MYO5B: variants seen among roughly 807,000 people sequenced by gnomAD.
MYO5B encodes myosin VB.
Under a neutral mutation model 229.3 loss-of-function variants are expected in MYO5B, and 143 were observed. That is an observed-to-expected ratio of 0.62 (90% CI 0.54 to 0.72). MYO5B has a LOEUF of 0.72. Ranked by LOEUF, MYO5B falls within the 30% of genes least tolerant of loss-of-function variation. MYO5B has a pLI of 0.00. For missense variants in MYO5B, 2,321 were observed against 2,331.0 expected, an observed-to-expected ratio of 1.00 and a Z score of 0.09; for synonymous variants, 918 against 885.2, an observed-to-expected ratio of 1.04 and a Z score of -0.66.
intron 22 of MYO5B, among the ~76,000 whole-genome samples, chr18:49,893,799 C>G (rs775927042): frequency 6.6e-6 from 1 of 152,224 alleles, no homozygotes; most frequent in African/African-American, 2.4e-5. Context: ...ACTGTAGGCT[C>G]TATAACCTCC....
Position 49,953,430 on chromosome 18 carries a change from C to A in MYO5B, c.1669-87G>T, listed in dbSNP as rs966301433. ...TTTCATCTCATCCAGGTAGCATTTT[C>A]TGAAAAGAGCTGTGAGTAGATAGGA... On this transcript the variant is annotated intron_variant, in intron 13 of 39. Transcript: ENST00000285039. The A allele has an allele frequency of 7.8e-6, 9 of 1,159,288 alleles. No individual in the cohort carries two copies. In the African/African-American group the frequency reaches 9.0e-5, roughly 12 times the overall value. The allele number at this position is 1,159,288 out of a possible 1,614,324, so 71.8% of individuals were successfully genotyped here.
intron 13 of MYO5B, 63 bp downstream of exon 13, chr18:49,954,250 G>A (rs1407466173): frequency 1.2e-6 from 2 of 1,600,518 alleles, no homozygotes; most frequent in Non-Finnish European, 1.7e-6. Context: ...TAGGTCTAGA[G>A]CCCATTGAGT....
At chr18:49,972,382 G>A (rs374688572) in intron 10 of MYO5B, among the ~76,000 whole-genome samples, 2 of 152,120 alleles carry the variant, frequency 1.3e-5, no homozygotes, top group Non-Finnish European at 2.9e-5. Context: ...AAAACCCAGC[G>A]GAAGATCACA....
chr18:49,983,112 G>A (rs2025833755), intron 8 of MYO5B, among the ~76,000 whole-genome samples: 1 of 152,216 alleles, frequency 6.6e-6, no homozygotes, highest in Non-Finnish European at 1.5e-5. Context: ...AGGGATGCCA[G>A]TTATCAACTT....
At chr18:50,165,241 G>A (rs903345135) in intron 1 of MYO5B, among the ~76,000 whole-genome samples, 3 of 151,776 alleles carry the variant, frequency 2.0e-5, no homozygotes, top group African/African-American at 7.3e-5. Context: ...CCAGGACTCT[G>A]GGTGGCTGAG....
chr18:50,047,809 A>T (rs1475029226), intron 2 of MYO5B, among the ~76,000 whole-genome samples: 3 of 151,972 alleles, frequency 2.0e-5, no homozygotes, highest in African/African-American at 2.4e-5. Flanking sequence ...TGAAGCTGGA[A>T]ACCATCATTC....
chr18:49,832,262 G>A (rs515324), intron 39 of MYO5B, among the ~76,000 whole-genome samples: 114,167 of 152,126 alleles, frequency 0.75, 42,933 homozygotes, highest in Admixed American at 0.85. Flanking sequence ...GTGAGGATTT[G>A]AAGAGTTAAC....
intron 16 of MYO5B, among the ~76,000 whole-genome samples, chr18:49,932,009 C>A (rs1377478177): frequency 6.6e-6 from 1 of 152,244 alleles, no homozygotes; most frequent in African/African-American, 2.4e-5. Flanking sequence ...TCAGGAGCAT[C>A]TGGGACCCTT....
intron 4 of MYO5B, among the ~76,000 whole-genome samples, chr18:50,021,520 G>T (rs1267253389): frequency 2.6e-5 from 4 of 152,144 alleles, no homozygotes; most frequent in African/African-American, 9.7e-5. Context: ...GCAAGAGAGA[G>T]AAAAGAGGTC....
In MYO5B at chr18:49,826,932, G is replaced by A. The variant is rs1001987762; in HGVS notation, c.5395-309C>T. On this transcript the variant is annotated intron_variant, in intron 39 of 39. Transcript: ENST00000285039. ...AAACCATATGGAGAGGCACTATAGT[G>A]AAGTGGCCAAGGGCATGGGTTTTTT... 4.0e-5 allele frequency among the ~76,000 whole-genome samples: 6 copies of A among 150,850 alleles called. No homozygotes were observed. In the Admixed American group the frequency reaches 4.0e-4, roughly 10 times the overall value.
intron 2 of MYO5B, among the ~76,000 whole-genome samples, chr18:50,040,640 C>A (rs2029985327): frequency 6.6e-6 from 1 of 152,168 alleles, no homozygotes; most frequent in Non-Finnish European, 1.5e-5. Context: ...TCTAGAAAAA[C>A]TTCCTTGATT....
chr18:50,055,235 A>ACCCCCTCC, intron 2 of MYO5B, 33 bp downstream of exon 2: 3 of 353,290 alleles, frequency 8.5e-6, no homozygotes, highest in Non-Finnish European at 1.7e-5. Flanking sequence ...GCCCCACCTC[A>ACCCCCTCC]CCCCCGCCCC....
intron 7 of MYO5B, among the ~76,000 whole-genome samples, chr18:49,987,546 G>C (rs969958548): frequency 3.3e-5 from 5 of 152,026 alleles, no homozygotes; most frequent in Admixed American, 2.0e-4. Flanking sequence ...CTATTAACTA[G>C]TTCAACAGGC....
At chr18:50,194,086 G>A (rs940130647) in intron 1 of MYO5B, among the ~76,000 whole-genome samples, 2 of 152,200 alleles carry the variant, frequency 1.3e-5, no homozygotes, top group African/African-American at 4.8e-5. Context: ...CAAAGAGGCC[G>A]CGTCAAAACA....
intron 38 of MYO5B, 150 bp downstream of exon 38, chr18:49,836,561 C>T: frequency 1.1e-6 from 1 of 873,256 alleles, no homozygotes; most frequent in South Asian, 1.5e-5. Flanking sequence ...CTAGGAATAT[C>T]CCATCAGCTG....
At chr18:49,935,436 GA>G (rs34307962) in intron 16 of MYO5B, among the ~76,000 whole-genome samples, 80,233 of 151,744 alleles carry the variant, frequency 0.53, 21,575 homozygotes, top group Middle Eastern at 0.72. Flanking sequence ...AGGTTAGAGA[GA>G]ACTTCTAGTA....
intron 25 of MYO5B, 41 bp downstream of exon 25, chr18:49,877,722 C>T (rs1407053480): frequency 1.2e-6 from 2 of 1,612,614 alleles, no homozygotes; most frequent in Non-Finnish European, 1.7e-6. Flanking sequence ...ACACACACTC[C>T]CTCTGGAGGA....
intron 1 of MYO5B, among the ~76,000 whole-genome samples, chr18:50,165,786 A>AAGG (rs2032841009): frequency 6.7e-6 from 1 of 150,082 alleles, no homozygotes; most frequent in Non-Finnish European, 1.5e-5. Context: ...TGAAAGAAAA[A>AAGG]AAGGAAGGAA....
At chr18:49,853,690 G>A in intron 30 of MYO5B, 43 bp from the exon 31 acceptor site, 7 of 1,587,264 alleles carry the variant, frequency 4.4e-6, no homozygotes, top group Non-Finnish European at 6.0e-6. Flanking sequence ...CCCAGGCCAG[G>A]GCCCCCATCT....
Sources: gnomAD v4.1 joint callset for allele counts (sites outside exome capture counted in the v4.1 genomes callset) on GRCh38, gnomAD v4.1.1 for gene constraint, MANE v1.5 for transcripts, NCBI Gene and HGNC (gene_info 2026-07-23, HGNC 2026-07-21) for gene names.